The following SNTG1 variants were observed in gnomAD, a reference collection of about 807,000 sequenced individuals.
The protein encoded by SNTG1 is gamma-1-syntrophin.
In SNTG1, 39 loss-of-function variants were observed where a neutral mutation model predicts 74.7. That is an observed-to-expected ratio of 0.52 (90% CI 0.40 to 0.68). The LOEUF is 0.68. Ranked by LOEUF, SNTG1 falls within the 30% of genes least tolerant of loss-of-function variation. The pLI is 0.00. For missense variants in SNTG1, 685 were observed against 609.5 expected, an observed-to-expected ratio of 1.12 and a Z score of -1.30; for synonymous variants, 254 against 217.1, an observed-to-expected ratio of 1.17 and a Z score of -1.49.
chr8:50,191,662 A>G (rs1031616860), intron 2 of SNTG1, among the ~76,000 whole-genome samples: 2 of 152,070 alleles, frequency 1.3e-5, no homozygotes, highest in Non-Finnish European at 2.9e-5. Flanking sequence ...TGAACCTGTC[A>G]ACCCATCACC....
chr8:50,654,485 T>G (rs890048000), intron 13 of SNTG1, among the ~76,000 whole-genome samples: 1 of 152,192 alleles, frequency 6.6e-6, no homozygotes, highest in Non-Finnish European at 1.5e-5. Flanking sequence ...CTTATATTCA[T>G]ATACATAGCA....
intron 2 of SNTG1, among the ~76,000 whole-genome samples, chr8:50,354,509 C>A (rs2091763349): frequency 6.6e-6 from 1 of 152,068 alleles, no homozygotes; most frequent in Admixed American, 6.6e-5. Context: ...TAATTAGCTA[C>A]AATTATGTAT....
chr8:50,301,842 G>C (rs2130671930), intron 2 of SNTG1, among the ~76,000 whole-genome samples: 1 of 137,246 alleles, frequency 7.3e-6, no homozygotes, highest in Admixed American at 7.8e-5. Flanking sequence ...TTTTGTTTTT[G>C]TTTTCTGTTT....
At chr8:50,755,824 G>A (rs1422451896) in intron 18 of SNTG1, among the ~76,000 whole-genome samples, 1 of 151,718 alleles carries the variant, frequency 6.6e-6, no homozygotes, top group Admixed American at 6.6e-5. Context: ...GTATATTATT[G>A]TTGTTTTAAT....
chr8:50,026,842 A>G (rs1297522022), intron 1 of SNTG1, among the ~76,000 whole-genome samples: 1 of 152,112 alleles, frequency 6.6e-6, no homozygotes, highest in Non-Finnish European at 1.5e-5. Flanking sequence ...TTTTTTCACT[A>G]TTAAGAAAAT....
chr8:50,728,856 A>G (rs1410789166), intron 17 of SNTG1, among the ~76,000 whole-genome samples: 2 of 152,114 alleles, frequency 1.3e-5, no homozygotes, highest in Non-Finnish European at 2.9e-5. Flanking sequence ...CTGTCCATGA[A>G]TCACCCATAT....
intron 4 of SNTG1, among the ~76,000 whole-genome samples, chr8:50,411,086 TTA>T (rs1427358944): frequency 1.3e-5 from 2 of 152,146 alleles, no homozygotes; most frequent in Non-Finnish European, 2.9e-5. Flanking sequence ...CAGAAGTATT[TTA>T]TGTTTGCGCT....
chr8:50,358,209 T>A (rs1468253313), intron 2 of SNTG1, among the ~76,000 whole-genome samples: 1 of 152,058 alleles, frequency 6.6e-6, no homozygotes, highest in Non-Finnish European at 1.5e-5. Flanking sequence ...TTTATCGGAG[T>A]GAAAGGTAAA....
intron 2 of SNTG1, among the ~76,000 whole-genome samples, chr8:50,235,813 C>T (rs1407771720): frequency 6.6e-6 from 1 of 152,012 alleles, no homozygotes; most frequent in East Asian, 1.9e-4. Flanking sequence ...AAATGTACTT[C>T]GGTTTTCTTA....
intron 15 of SNTG1, among the ~76,000 whole-genome samples, chr8:50,695,309 C>G (rs1416851037): frequency 6.6e-6 from 1 of 150,844 alleles, no homozygotes; most frequent in Non-Finnish European, 1.5e-5. Flanking sequence ...CATTAACAAC[C>G]AATGTTTTAA....
intron 13 of SNTG1, among the ~76,000 whole-genome samples, chr8:50,641,105 A>G (rs1370738805): frequency 6.6e-6 from 1 of 152,208 alleles, no homozygotes; most frequent in African/African-American, 2.4e-5. Context: ...ATTTAACTAA[A>G]CATGGCTGAA....
intron 2 of SNTG1, among the ~76,000 whole-genome samples, chr8:50,207,718 C>T (rs917634238): frequency 2.0e-5 from 3 of 152,120 alleles, no homozygotes; most frequent in African/African-American, 4.8e-5. Context: ...TATACATTTC[C>T]CTCTACACAC....
rs535116202 is a variant in SNTG1 at position 50,282,079 on chromosome 8, C to T, written c.-28+109444C>T. ...TGGCTAAGGTCAGCCTGACCATAAA[C>T]GACAAATAACATCTCTGACCAGAAA... On this transcript the variant is annotated intron_variant, in intron 2 of 18. Transcript: ENST00000642720. 1.1e-4 allele frequency among the ~76,000 whole-genome samples: 17 copies of T among 152,236 alleles called. No individual in the cohort carries two copies. In the South Asian group the frequency reaches 2.3e-3, roughly 20 times the overall value.
chr8:50,350,094 G>A (rs1404250393), intron 2 of SNTG1, among the ~76,000 whole-genome samples: 1 of 152,194 alleles, frequency 6.6e-6, no homozygotes, highest in African/African-American at 2.4e-5. Flanking sequence ...GGGTCCCCCA[G>A]CAGCGCCGGC....
chr8:50,704,712 C>G lies in SNTG1; in HGVS notation c.1151C>G (p.Ala384Gly). The change falls in exon 16 of 19, where the codon GCC becomes GGC. Residue 384 changes from alanine (A) to glycine (G), a missense_variant. Ala to Gly is a moderately conservative substitution (Grantham distance 60). Transcript: ENST00000642720. ...AGTGACCTCGCCCAGTGGGAAAGAG[C>G]CTTCCAGACAGCAACCTTTCTAGAA... ...LESDLAQWER[A>G]FQTATFLEVE... The G allele has an allele frequency of 4.3e-6, 7 of 1,614,090 alleles. No homozygotes were observed. In the South Asian group the frequency reaches 6.6e-5, roughly 15 times the overall value.
intron 1 of SNTG1, among the ~76,000 whole-genome samples, chr8:49,949,335 C>T (rs1005572233): frequency 2.6e-5 from 4 of 152,154 alleles, no homozygotes; most frequent in Non-Finnish European, 5.9e-5. Flanking sequence ...AAATAATTTA[C>T]AGCTTAATTG....
intron 2 of SNTG1, among the ~76,000 whole-genome samples, chr8:50,273,201 T>C (rs1161462233): frequency 6.6e-6 from 1 of 152,164 alleles, no homozygotes; most frequent in African/African-American, 2.4e-5. Flanking sequence ...GATGTTATAT[T>C]ATAAGGGCTT....
At chr8:50,787,316 AT>A in intron 18 of SNTG1, among the ~76,000 whole-genome samples, 1 of 151,938 alleles carries the variant, frequency 6.6e-6, no homozygotes, top group Non-Finnish European at 1.5e-5. Flanking sequence ...TGGTTATAAT[AT>A]TTTTTTAAAA....
chr8:49,932,545 T>TAA (rs201491912), intron 1 of SNTG1, among the ~76,000 whole-genome samples: 6 of 149,402 alleles, frequency 4.0e-5, no homozygotes, highest in African/African-American at 1.5e-4. Context: ...ATTATGTCTT[T>TAA]AAAAAAAAAA....
Sources: gnomAD v4.1 joint callset for allele counts (sites outside exome capture counted in the v4.1 genomes callset) on GRCh38, gnomAD v4.1.1 for gene constraint, MANE v1.5 for transcripts, NCBI Gene and HGNC (gene_info 2026-07-23, HGNC 2026-07-21) for gene names.